The following DNAJC16 variants were observed in gnomAD, a reference collection of about 807,000 sequenced individuals.
DNAJC16 encodes the protein DnaJ heat shock protein family (Hsp40) member C16.
In DNAJC16, 76 loss-of-function variants were observed where a neutral mutation model predicts 92.7. The observed-to-expected ratio is 0.82, with a 90% confidence interval of 0.68 to 0.99. The LOEUF (loss-of-function observed/expected upper bound fraction) is 0.99. DNAJC16 is among the 50% of genes least tolerant of loss of function. The pLI, the probability that DNAJC16 is intolerant of heterozygous loss-of-function variation, is 0.00. For synonymous variants in DNAJC16, 328 were observed against 358.7 expected (o/e 0.91, Z 0.97); for missense variants, 869 against 942.4 (o/e 0.92, Z 1.02).
In DNAJC16 at chr1:15,538,460, G is replaced by A. The variant is rs149953474; in HGVS notation, c.574+1646G>A. On this transcript the variant is annotated intron_variant, in intron 4 of 14. Transcript: ENST00000375847. ...TGGCCAGGCGCAGTGGCTCATGCCT[G>A]TAACCCCAGCACTTTGGGAGGCCAA... 2.7e-3 allele frequency among the ~76,000 whole-genome samples: 405 copies of A among 152,184 alleles called. 3 individuals are homozygous for A. The highest frequency in any genetic ancestry group is 9.0e-3 in the African/African-American group (374 of 41,506).
rs747885922 is a variant in DNAJC16 at position 15,534,334 on chromosome 1, T to C, written c.234+31T>C. ...GTGTCCAGCTTTGTGATGCATCCAT[T>C]AGCTCTTACAAAATATGCCTTAGGA... On this transcript the variant is annotated intron_variant, in intron 3 of 14. Transcript: ENST00000375847. 8 of 1,607,946 alleles carry C rather than the reference T, an allele frequency of 5.0e-6. No homozygotes were observed. The South Asian group carries it at 8.8e-5, about 18-fold the overall frequency.
chr1:15,553,133 G>A (rs1269271161), intron 7 of DNAJC16, among the ~76,000 whole-genome samples: 1 of 151,510 alleles, frequency 6.6e-6, no homozygotes, highest in Non-Finnish European at 1.5e-5. Context: ...TGATTTGTAG[G>A]GGTTATTTAT....
intron 4 of DNAJC16, among the ~76,000 whole-genome samples, chr1:15,541,301 G>A (rs1003325971): frequency 3.3e-5 from 5 of 152,158 alleles, no homozygotes; most frequent in East Asian, 1.9e-4. Flanking sequence ...ATAATTCTCT[G>A]TATGCTTCCA....
At chr1:15,529,389 G>A (rs751358904) in intron 2 of DNAJC16, 117 bp downstream of exon 2, 81 of 1,031,372 alleles carry the variant, frequency 7.9e-5, no homozygotes, top group Non-Finnish European at 9.0e-5. Context: ...ATATATATCT[G>A]TCTAAAATAT....
chr1:15,549,890 G>A (rs1338241618), intron 7 of DNAJC16, among the ~76,000 whole-genome samples: 1 of 150,634 alleles, frequency 6.6e-6, no homozygotes, highest in Non-Finnish European at 1.5e-5. Context: ...ACAGTATATT[G>A]TTAGAATTGT....
intron 11 of DNAJC16, 186 bp from the exon 12 acceptor site, chr1:15,565,733 A>G (rs1167800557): frequency 4.8e-5 from 30 of 629,258 alleles, no homozygotes; most frequent in Non-Finnish European, 7.1e-5. Context: ...TCTGTGAATT[A>G]GAACACTGAG....
chr1:15,567,750 T>C, intron 14 of DNAJC16, 28 bp from the exon 15 acceptor site: 1 of 1,592,330 alleles, frequency 6.3e-7, no homozygotes, highest in Non-Finnish European at 8.5e-7. Context: ...GGAAATGCCC[T>C]GAGTCCTCAA....
At chr1:15,552,446 G>A (rs1638467316) in intron 7 of DNAJC16, among the ~76,000 whole-genome samples, 1 of 151,180 alleles carries the variant, frequency 6.6e-6, no homozygotes, top group African/African-American at 2.4e-5. Flanking sequence ...CCAAGATCGC[G>A]CCACTGCACT....
At chr1:15,540,283 G>A (rs571858128) in intron 4 of DNAJC16, among the ~76,000 whole-genome samples, 4 of 152,122 alleles carry the variant, frequency 2.6e-5, no homozygotes, top group Non-Finnish European at 5.9e-5. Context: ...CTGAGATTGC[G>A]CCACTGCAGT....
At chr1:15,553,593 T>C (rs1347684608) in intron 7 of DNAJC16, among the ~76,000 whole-genome samples, 3 of 152,160 alleles carry the variant, frequency 2.0e-5, no homozygotes, top group Non-Finnish European at 4.4e-5. Flanking sequence ...ATAATACACA[T>C]GCAGAAAGAT....
At position 15,563,543 on chromosome 1, in the gene DNAJC16, C is replaced by T. The variant is rs1032676660; in HGVS notation, c.1339-386C>T. 3.4e-5 allele frequency among the ~76,000 whole-genome samples: 5 copies of T among 145,904 alleles called. No individual in the cohort carries two copies. In the South Asian group the frequency reaches 8.7e-4, roughly 25 times the overall value. ...AAACTCTGTCTCAAAAAACAAACAA[C>T]TGGGCCAAGTGTGGTGGCTCACAGC... On this transcript the variant is annotated intron_variant, in intron 9 of 14. Transcript: ENST00000375847.
At position 15,568,653 on chromosome 1, in the gene DNAJC16, T is replaced by G; in HGVS notation, c.*476T>G. The G allele has an allele frequency of 2.5e-6, 1 of 399,322 alleles. No homozygotes were observed. The allele number at this position is 399,322 out of a possible 1,614,324, so 24.7% of individuals were successfully genotyped here. Reference sequence around the variant, plus strand: ...CTAACTCTGAACAACCCACGGCAGCTTCTAGCCCCGCATCTGGAAAAAGGC... The same window carrying G: ...CTAACTCTGAACAACCCACGGCAGCGTCTAGCCCCGCATCTGGAAAAAGGC... On this transcript the variant is annotated 3_prime_UTR_variant, in exon 15 of 15. Coordinates refer to ENST00000375847, the MANE Select transcript of DNAJC16 (RefSeq NM_015291.4).
chr1:15,545,593 A>G (rs1035126617), intron 5 of DNAJC16, among the ~76,000 whole-genome samples: 3 of 152,238 alleles, frequency 2.0e-5, no homozygotes, highest in African/African-American at 7.2e-5. Flanking sequence ...GGTTGCAGGC[A>G]GGCAGAAATC....
In DNAJC16 at chr1:15,564,358, T is replaced by C. The variant is rs372276264; in HGVS notation, c.1597T>C (p.Trp533Arg). 4.4e-6 allele frequency: 7 copies of C among 1,585,658 alleles called. No individual in the cohort carries two copies. The highest frequency in any genetic ancestry group is 6.1e-6 in the Non-Finnish European group (7 of 1,154,100). The change falls in exon 11 of 15, where the codon TGG (tryptophan) becomes CGG (arginine). Residue 533 changes from tryptophan to arginine, a missense_variant and splice_region_variant. By Grantham distance (101) the Trp-to-Arg change is moderately radical. Transcript: ENST00000375847. ...CTGGGATAGCATTTTTCACAACAAC[T>C]GGTAGGGATATTGCCAGGCTGAATT... The part of the protein sequence containing the change: ...DCWDSIFHNN[W>R]REMMPLLSLI...
intron 7 of DNAJC16, among the ~76,000 whole-genome samples, chr1:15,552,041 A>AT (rs200209856): frequency 6.7e-6 from 1 of 149,516 alleles, no homozygotes; most frequent in Non-Finnish European, 1.5e-5. Flanking sequence ...AAAAAAAAAA[A>AT]TTTTTTTTGT....
At chr1:15,535,419 A>G (rs554465531) in intron 3 of DNAJC16, among the ~76,000 whole-genome samples, 39 of 152,360 alleles carry the variant, frequency 2.6e-4, no homozygotes, top group African/African-American at 9.1e-4. Context: ...CTAGTGAAAG[A>G]AGAGTTTCTC....
intron 1 of DNAJC16, among the ~76,000 whole-genome samples, chr1:15,527,585 T>G (rs1024818359): frequency 6.6e-6 from 1 of 152,222 alleles, no homozygotes; most frequent in Non-Finnish European, 1.5e-5. Flanking sequence ...GATCCTAGTC[T>G]TCAACCCATA....
chr1:15,551,407 A>ACTCGGGAATTTGGCAGACATT (rs925975368), intron 7 of DNAJC16, among the ~76,000 whole-genome samples: 1 of 152,114 alleles, frequency 6.6e-6, no homozygotes, highest in African/African-American at 2.4e-5. Context: ...GGTTATTTAG[A>ACTCGGGAATTTGGCAGACATT]CTCGGGAATT....
At chr1:15,535,321 G>A (rs887944591) in intron 3 of DNAJC16, among the ~76,000 whole-genome samples, 1 of 152,238 alleles carries the variant, frequency 6.6e-6, no homozygotes. Flanking sequence ...AGTGTTTAAT[G>A]TTGTGGTAGT....
Sources: gnomAD v4.1 joint callset for allele counts (sites outside exome capture counted in the v4.1 genomes callset) on GRCh38, gnomAD v4.1.1 for gene constraint, MANE v1.5 for transcripts, NCBI Gene and HGNC (gene_info 2026-07-23, HGNC 2026-07-21) for gene names.